The following HENMT1 variants were observed in gnomAD, a reference collection of about 807,000 sequenced individuals.
HENMT1 encodes the protein small RNA 2'-O-methyltransferase.
Under a neutral mutation model 31.1 loss-of-function variants are expected in HENMT1, and 27 were observed. The ratio of observed to expected loss-of-function variants is 0.87; its 90% CI spans 0.64 to 1.20. The LOEUF is 1.20. Among genes scored for constraint, HENMT1 ranks in the 50% most tolerant of loss-of-function variants. The pLI is 0.00. For missense variants in HENMT1, 438 were observed against 469.6 expected (o/e 0.93, Z 0.62); for synonymous variants, 167 against 172.2 (o/e 0.97, Z 0.24).
At position 108,659,872 on chromosome 1, in the gene HENMT1, T is replaced by G. The variant is rs1245373565; in HGVS notation, c.13A>C (p.Asn5His). 1 of 1,582,242 alleles carries G rather than the reference T, an allele frequency of 6.3e-7. No individual in the cohort carries two copies. The highest frequency in any genetic ancestry group is 8.6e-7 in the Non-Finnish European group (1 of 1,157,942). The change falls in exon 2 of 8, where the codon AAT becomes CAT. Residue 5 changes from asparagine to histidine, a missense_variant. Coordinates refer to ENST00000651461, the MANE Select transcript of HENMT1 (RefSeq NM_001102592.2). ...AAGAAGGGTGGCATTACCTGTAGAT[T>G]ATTTTCTTCCATTTTGTTTCGAAGT... MEEN[N>H]LQCSSVVDGN...
chr1:108,661,249 T>C (rs2101005849), upstream of HENMT1: 1 of 152,428 alleles, frequency 6.6e-6, no homozygotes, highest in East Asian at 1.9e-4. Context: ...TCCGTCCCTC[T>C]AGGCTCTCAG....
At chr1:108,660,563 T>A (rs1456141861) in intron 1 of HENMT1, among the ~76,000 whole-genome samples, 1 of 152,224 alleles carries the variant, frequency 6.6e-6, no homozygotes, top group East Asian at 1.9e-4. Flanking sequence ...AGTTCTCTAT[T>A]GCACATGTGT....
rs760127027 is a variant in HENMT1, at chr1:108,650,312, T to A, written c.655A>T (p.Asn219Tyr). The A allele has an allele frequency of 6.2e-7, 1 of 1,614,010 alleles. No individual in the cohort carries two copies. Among genetic ancestry groups the A allele is most frequent in the African/African-American group, 1.3e-5 (1 of 74,920 alleles). The change falls in exon 7 of 8, where the codon AAT (asparagine) becomes TAT (tyrosine). Residue 219 changes from asparagine (N) to tyrosine (Y), a missense_variant. Coordinates refer to ENST00000651461, the MANE Select transcript of HENMT1 (RefSeq NM_001102592.2). The stretch of plus-strand genomic sequence containing the variant: ...CCTATCTGGGTACAGTATCCAACAT[T>A]CTCAGCTCCAGCTGGTGGTTCCCCG... ...GVGEPPAGAE[N>Y]VGYCTQIGIF...
In HENMT1 at chr1:108,650,339, C is replaced by A. The variant is rs745351110; in HGVS notation, c.628G>T (p.Val210Phe). 1 of 1,614,054 alleles carries A rather than the reference C, an allele frequency of 6.2e-7. No individual in the cohort carries two copies. The highest frequency in any genetic ancestry group is 2.2e-5 in the East Asian group (1 of 44,894). Residue 210 changes from valine to phenylalanine, a missense_variant, in exon 7 of 8, where the codon GTC (valine) becomes TTC (phenylalanine). By Grantham distance (50) the Val-to-Phe change is conservative. Coordinates refer to ENST00000651461, the MANE Select transcript of HENMT1 (RefSeq NM_001102592.2). ...TCAGCTCCAGCTGGTGGTTCCCCGA[C>A]ACCAGTAAACTCCACAGAGTAATCA... ...RYDYSVEFTG[V>F]GEPPAGAENV...
At chr1:108,657,728 G>A (rs1371549521) in intron 2 of HENMT1, 149 bp from the exon 3 acceptor site, 4 of 703,192 alleles carry the variant, frequency 5.7e-6, no homozygotes, top group Admixed American at 2.9e-5. Context: ...AAATCATTAG[G>A]TAGCACTGCA....
intron 7 of HENMT1, chr1:108,649,873 C>T (rs867366116): frequency 5.6e-5 from 21 of 377,640 alleles, no homozygotes; most frequent in Admixed American, 1.2e-4. Flanking sequence ...AGGCTGCACT[C>T]GAACTCCTGG....
intron 2 of HENMT1, among the ~76,000 whole-genome samples, chr1:108,658,067 ATG>A (rs1169313746): frequency 3.6e-5 from 2 of 56,050 alleles, no homozygotes; most frequent in African/African-American, 8.9e-5. Context: ...ACACATATAT[ATG>A]TACACACACA....
chr1:108,649,991 C>G (rs1208000999), intron 7 of HENMT1: 1 of 647,790 alleles, frequency 1.5e-6, no homozygotes, highest in Non-Finnish European at 2.9e-6. Flanking sequence ...GCAGATCATT[C>G]CCTTTAACAT....
At chr1:108,656,792 A>G (rs934180334) in intron 3 of HENMT1, among the ~76,000 whole-genome samples, 1 of 152,188 alleles carries the variant, frequency 6.6e-6, no homozygotes, top group African/African-American at 2.4e-5. Flanking sequence ...AAAGAACCAC[A>G]ATACCTGTGG....
rs201975185 is a variant in HENMT1 at position 108,659,829 on chromosome 1, A to G, written c.21+35T>C. The G allele has an allele frequency of 2.4e-5, 31 of 1,288,692 alleles. 1 individual carries two copies. The highest frequency in any genetic ancestry group is 3.3e-6 in the Non-Finnish European group (3 of 895,544). 79.8% of individuals were successfully genotyped at this position (1,288,692 alleles called of 1,614,324 possible). A position where few individuals can be genotyped will look rare whatever the true frequency, so the allele number is the denominator to read the frequency against. Reference sequence around the variant, plus strand: ...CAATACATCCAGGTGATAATTCTTAAGAGTCAAAGACGCAGCTAAGAAGGG... The same window carrying G: ...CAATACATCCAGGTGATAATTCTTAGGAGTCAAAGACGCAGCTAAGAAGGG... On this transcript the variant is annotated intron_variant, in intron 2 of 7. Coordinates refer to ENST00000651461, the MANE Select transcript of HENMT1 (RefSeq NM_001102592.2).
chr1:108,650,186 T>C (rs376841060), intron 7 of HENMT1, 25 bp downstream of exon 7: 17 of 1,607,268 alleles, frequency 1.1e-5, no homozygotes, highest in East Asian at 2.2e-5. Flanking sequence ...CTAGCCCTGA[T>C]AGCTATCTCA....
chr1:108,659,858 C>A lies in HENMT1; in HGVS notation c.21+6G>T, dbSNP rs749118933. The A allele has an allele frequency of 6.5e-7, 1 of 1,535,102 alleles. No homozygotes were observed. On this transcript the variant is annotated splice_donor_region_variant and intron_variant, in intron 2 of 7. Transcript: ENST00000651461. ...TCAAAGACGCAGCTAAGAAGGGTGG[C>A]ATTACCTGTAGATTATTTTCTTCCA...
chr1:108,649,108 T>C (rs1657968521), intron 7 of HENMT1, 117 bp from the exon 8 acceptor site: 2 of 761,942 alleles, frequency 2.6e-6, no homozygotes, highest in Non-Finnish European at 4.2e-6. Context: ...TGAATATATG[T>C]CAGATCCTAC....
intron 4 of HENMT1, among the ~76,000 whole-genome samples, chr1:108,655,217 T>TA (rs1415227632): frequency 3.3e-5 from 5 of 152,160 alleles, no homozygotes; most frequent in African/African-American, 1.2e-4. Context: ...ATACAAGAGA[T>TA]AGGAGAAATG....
rs555655731 is a variant in HENMT1 at position 108,657,676 on chromosome 1, C to T, written c.22-97G>A. On this transcript the variant is annotated intron_variant, in intron 2 of 7. Coordinates refer to ENST00000651461, the MANE Select transcript of HENMT1 (RefSeq NM_001102592.2). Reference sequence around the variant, plus strand: ...AAAAAAAAACTTTATTTCCCCCAATCACTTTGAAAAACACACTGGCCTTCA... The same window carrying T: ...AAAAAAAAACTTTATTTCCCCCAATTACTTTGAAAAACACACTGGCCTTCA... 5 of 1,224,972 alleles carry T rather than the reference C, an allele frequency of 4.1e-6. No homozygotes were observed. The African/African-American group carries it at 7.7e-5, about 19-fold the overall frequency. 75.9% of individuals were successfully genotyped at this position (1,224,972 alleles called of 1,614,324 possible). A position where few individuals can be genotyped will look rare whatever the true frequency, so the allele number is the denominator to read the frequency against.
Position 108,654,629 on chromosome 1 carries a change from C to T in HENMT1, c.398+87G>A, listed in dbSNP as rs1389675181. ...GCAGTTTTCCTTACAATAATCAAGA[C>T]CTATTATATTTAGGACACTAAGATC... On this transcript the variant is annotated intron_variant, in intron 5 of 7. Coordinates refer to ENST00000651461, the MANE Select transcript of HENMT1 (RefSeq NM_001102592.2). 6 of 1,284,410 alleles carry T rather than the reference C, an allele frequency of 4.7e-6. No individual in the cohort carries two copies. The East Asian group carries it at 1.4e-4, about 30-fold the overall frequency. The allele number at this position is 1,284,410 out of a possible 1,614,324, so 79.6% of individuals were successfully genotyped here.
Position 108,651,109 on chromosome 1 carries a change from A to G in HENMT1, c.499T>C (p.Phe167Leu). 1 of 1,613,976 alleles carries G rather than the reference A, an allele frequency of 6.2e-7. No individual in the cohort carries two copies. Among genetic ancestry groups the G allele is most frequent in the Middle Eastern group, 1.7e-4 (1 of 6,060 alleles). ...GTCACTGATGGAAACAGGGGATTGA[A>G]TTCAGAGTTTGGTGTGCTGATGACA... ...MIVISTPNSE[F>L]NPLFPSVTLR... Residue 167 changes from phenylalanine (F) to leucine (L), a missense_variant, in exon 6 of 8, where the codon TTC (phenylalanine) becomes CTC (leucine). Physicochemically the swap from Phe to Leu is conservative, Grantham distance 22. Coordinates refer to ENST00000651461, the MANE Select transcript of HENMT1 (RefSeq NM_001102592.2).
At position 108,657,658 on chromosome 1, in the gene HENMT1, A is replaced by C. The variant is rs1488217175; in HGVS notation, c.22-79T>G. ...ATTAAATAAGGGGCAAAAAAAAAAA[A>C]ACTTTATTTCCCCCAATCACTTTGA... On this transcript the variant is annotated intron_variant, in intron 2 of 7. Coordinates refer to ENST00000651461, the MANE Select transcript of HENMT1 (RefSeq NM_001102592.2). The C allele has an allele frequency of 2.2e-5, 30 of 1,392,638 alleles. No individual in the cohort carries two copies. In the East Asian group the frequency reaches 6.3e-4, roughly 29 times the overall value. The allele number at this position is 1,392,638 out of a possible 1,614,324, so 86.3% of individuals were successfully genotyped here. A position where few individuals can be genotyped will look rare whatever the true frequency, so the allele number is the denominator to read the frequency against.
intron 5 of HENMT1, among the ~76,000 whole-genome samples, chr1:108,654,449 T>A (rs1183165421): frequency 6.6e-6 from 1 of 152,052 alleles, no homozygotes; most frequent in East Asian, 1.9e-4. Flanking sequence ...GAGGGTGCAA[T>A]GTACAAATGA....
Sources: gnomAD v4.1 joint callset for allele counts (sites outside exome capture counted in the v4.1 genomes callset) on GRCh38, gnomAD v4.1.1 for gene constraint, MANE v1.5 for transcripts, NCBI Gene and HGNC (gene_info 2026-07-23, HGNC 2026-07-21) for gene names.